Variants in TCF4 observed in about 807,000 individuals in gnomAD.
TCF4 encodes transcription factor 4.
In TCF4, 3 loss-of-function variants were observed where a neutral mutation model predicts 82.1. The observed-to-expected ratio is 0.04, with a 90% confidence interval of 0.02 to 0.09. The LOEUF (loss-of-function observed/expected upper bound fraction) is 0.09. TCF4 is among the 10% of genes least tolerant of loss of function. TCF4 has a pLI of 1.00. For synonymous variants in TCF4, 276 were observed against 309.6 expected (o/e 0.89, Z 1.14); for missense variants, 518 against 852.7 (o/e 0.61, Z 4.89).
At chr18:55,635,359 G>A (rs904356544) in intron 1 of TCF4, among the ~76,000 whole-genome samples, 1 of 151,904 alleles carries the variant, frequency 6.6e-6, no homozygotes, top group Non-Finnish European at 1.5e-5. Context: ...AAATACAGAA[G>A]TTAGCCGGGC....
chr18:55,422,148 A>AAAC (rs1556299552), intron 5 of TCF4: 38 of 834,854 alleles, frequency 4.6e-5, no homozygotes, highest in Non-Finnish European at 5.4e-5. Context: ...AAAAAAAAAA[A>AAAC]CCCACCCTGA....
In TCF4 at chr18:55,503,293, C is replaced by T. The variant is rs147755008; in HGVS notation, c.146-39156G>A. ...TCCTGAAAATTCGAAGTTAGAAAGC[C>T]GAAAATTCGAAGTTAGAAAGCCATA... is the stretch of plus-strand genomic sequence containing the variant. On this transcript the variant is annotated intron_variant, in intron 3 of 19. Transcript: ENST00000354452. Among the ~76,000 whole-genome samples the T allele has an allele frequency of 4.1e-4, 62 of 152,128 alleles. 1 individual carries two copies. The South Asian group carries it at 9.6e-3, about 23-fold the overall frequency.
chr18:55,252,318 G>C (rs1018641306), intron 15 of TCF4, among the ~76,000 whole-genome samples: 1 of 151,832 alleles, frequency 6.6e-6, no homozygotes. Flanking sequence ...GAGAAAACAG[G>C]AACTTATCCT....
At chr18:55,246,583 G>A (rs553560951) in intron 15 of TCF4, among the ~76,000 whole-genome samples, 1 of 152,198 alleles carries the variant, frequency 6.6e-6, no homozygotes, top group South Asian at 2.1e-4. Context: ...TTCTATTGCT[G>A]TTTTCAAAAT....
At chr18:55,398,965 G>T (rs1037062941) in intron 6 of TCF4, among the ~76,000 whole-genome samples, 1 of 152,208 alleles carries the variant, frequency 6.6e-6, no homozygotes, top group Non-Finnish European at 1.5e-5. Flanking sequence ...CTCGATGGAT[G>T]TGCTGAACAC....
chr18:55,453,388 T>C (rs893373428), intron 5 of TCF4, among the ~76,000 whole-genome samples: 1 of 152,238 alleles, frequency 6.6e-6, no homozygotes, highest in Non-Finnish European at 1.5e-5. Context: ...ATTAGTCACA[T>C]TTTCCATTAC....
chr18:55,409,875 C>CA (rs2146653753), intron 5 of TCF4, among the ~76,000 whole-genome samples: 1 of 152,190 alleles, frequency 6.6e-6, no homozygotes, highest in East Asian at 1.9e-4. Context: ...TCTGGGTTTA[C>CA]AAAAAAGCAG....
upstream of TCF4, chr18:55,588,652 C>A: frequency 7.4e-7 from 1 of 1,358,348 alleles, no homozygotes; most frequent in Non-Finnish European, 9.5e-7. Flanking sequence ...TTATACTAGG[C>A]TGCAAATACA....
At chr18:55,253,338 A>C (rs2055818079) in intron 15 of TCF4, among the ~76,000 whole-genome samples, 1 of 152,148 alleles carries the variant, frequency 6.6e-6, no homozygotes, top group African/African-American at 2.4e-5. Flanking sequence ...GTGATAATGG[A>C]AAATATACCT....
chr18:55,570,703 G>A (rs1483023718), intron 3 of TCF4, among the ~76,000 whole-genome samples: 4 of 152,068 alleles, frequency 2.6e-5, no homozygotes, highest in East Asian at 1.9e-4. Flanking sequence ...GCAACATGGT[G>A]AAACCCCTTC....
At chr18:55,259,431 C>A (rs1314138441) in intron 13 of TCF4, among the ~76,000 whole-genome samples, 1 of 152,144 alleles carries the variant, frequency 6.6e-6, no homozygotes, top group Non-Finnish European at 1.5e-5. Context: ...AGTCAAACAT[C>A]CCTTCTACCC....
intron 2 of TCF4, among the ~76,000 whole-genome samples, chr18:55,616,753 A>G (rs1474355594): frequency 6.6e-6 from 1 of 152,018 alleles, no homozygotes; most frequent in Admixed American, 6.6e-5. Context: ...TCTCTTTTTG[A>G]GAAATGTCCA....
At chr18:55,345,798 C>A (rs941228995) in intron 8 of TCF4, among the ~76,000 whole-genome samples, 2 of 152,068 alleles carry the variant, frequency 1.3e-5, no homozygotes, top group Non-Finnish European at 2.9e-5. Flanking sequence ...TTCAATAAAA[C>A]TTTCATCTTA....
chr18:55,356,414 A>G (rs1297852031), intron 6 of TCF4, among the ~76,000 whole-genome samples: 1 of 152,198 alleles, frequency 6.6e-6, no homozygotes, highest in African/African-American at 2.4e-5. Context: ...TTGCCCAACA[A>G]TCTTCATAAT....
chr18:55,605,862 G>GT (rs1267475740), intron 2 of TCF4, among the ~76,000 whole-genome samples: 2 of 152,200 alleles, frequency 1.3e-5, no homozygotes, highest in African/African-American at 4.8e-5. Context: ...TCCAAAATAT[G>GT]TTTCACTTTT....
intron 8 of TCF4, among the ~76,000 whole-genome samples, chr18:55,296,093 A>G (rs1221014433): frequency 6.6e-6 from 1 of 151,868 alleles, no homozygotes; most frequent in Non-Finnish European, 1.5e-5. Context: ...GAGTTAGGAA[A>G]AGTACATTAA....
intron 6 of TCF4, chr18:55,401,297 CA>C: frequency 8.4e-7 from 1 of 1,188,340 alleles, no homozygotes; most frequent in South Asian, 1.6e-5. Flanking sequence ...TAAGTAATCA[CA>C]CTGTTTATGG....
At chr18:55,587,830 T>G (rs1342716517) in intron 1 of TCF4, among the ~76,000 whole-genome samples, 1 of 120,928 alleles carries the variant, frequency 8.3e-6, no homozygotes, top group Non-Finnish European at 1.7e-5. Flanking sequence ...CCTCGGTCCC[T>G]CCGAGGGGGC....
At chr18:55,510,326 T>G (rs965459649) in intron 3 of TCF4, among the ~76,000 whole-genome samples, 1 of 152,008 alleles carries the variant, frequency 6.6e-6, no homozygotes, top group Non-Finnish European at 1.5e-5. Flanking sequence ...TTGGTAGAGA[T>G]AGCAAAAAAA....
Sources: allele counts gnomAD v4.1 joint callset (sites outside exome capture counted in the v4.1 genomes callset), GRCh38; gene constraint gnomAD v4.1.1; transcripts MANE v1.5; gene names NCBI Gene and HGNC (gene_info 2026-07-23, HGNC 2026-07-21).